Variants in TSEN2 observed in about 807,000 individuals in gnomAD.
The protein encoded by TSEN2 is tRNA splicing endonuclease subunit 2.
TSEN2 carries 54 observed loss-of-function variants against 59.2 expected under a neutral mutation model. The observed-to-expected ratio is 0.91, with a 90% CI of 0.73 to 1.14. The LOEUF (loss-of-function observed/expected upper bound fraction) is 1.14. Among genes scored for constraint, TSEN2 ranks in the 50% most tolerant of loss-of-function variants. The pLI is 0.00. For missense variants in TSEN2, 636 were observed against 576.2 expected, an observed-to-expected ratio of 1.10 and a Z score of -1.06; for synonymous variants, 195 against 198.2, an observed-to-expected ratio of 0.98 and a Z score of 0.14.
chr3:12,528,472 C>T (rs1049915764), intron 8 of TSEN2, among the ~76,000 whole-genome samples: 1 of 152,164 alleles, frequency 6.6e-6, no homozygotes, highest in Non-Finnish European at 1.5e-5. Context: ...TGTAAACCCC[C>T]ACTTTGGGAG....
intron 7 of TSEN2, among the ~76,000 whole-genome samples, chr3:12,517,508 C>T (rs1320837644): frequency 6.6e-6 from 1 of 152,120 alleles, no homozygotes; most frequent in Non-Finnish European, 1.5e-5. Context: ...CTGTTGTTGC[C>T]TGCTGCCTTT....
At chr3:12,534,643 A>G (rs2057627004), downstream of TSEN2, among the ~76,000 whole-genome samples, 3 of 152,040 alleles carry the variant, frequency 2.0e-5, no homozygotes, top group Admixed American at 2.0e-4. Context: ...TCTACTAAAA[A>G]ATACAAAAAA....
upstream of TSEN2, among the ~76,000 whole-genome samples, chr3:12,480,824 G>A (rs572510141): frequency 8.5e-5 from 13 of 152,126 alleles, no homozygotes; most frequent in South Asian, 1.5e-3. Flanking sequence ...ATAAGTCACC[G>A]CGCCCGGCCT....
At chr3:12,524,444 C>A (rs562039327) in intron 8 of TSEN2, among the ~76,000 whole-genome samples, 2 of 152,178 alleles carry the variant, frequency 1.3e-5, no homozygotes, top group Non-Finnish European at 2.9e-5. Context: ...CTTGTCTCTT[C>A]CAGATTCTTG....
chr3:12,533,719 C>T (rs2057598693), downstream of TSEN2: 1 of 144,338 alleles, frequency 6.9e-6, no homozygotes, highest in South Asian at 2.3e-4. Context: ...AGGGGGAATA[C>T]TTGCTCTTCG....
At chr3:12,530,766 T>C (rs2057405326) in intron 10 of TSEN2, 1 of 984,982 alleles carries the variant, frequency 1.0e-6, no homozygotes, top group Non-Finnish European at 1.2e-6. Context: ...ATACTTAATA[T>C]GTCCTCACTT....
At chr3:12,517,998 G>A (rs1190693494) in intron 7 of TSEN2, among the ~76,000 whole-genome samples, 1 of 151,980 alleles carries the variant, frequency 6.6e-6, no homozygotes, top group Non-Finnish European at 1.5e-5. Context: ...AACTGAGCCA[G>A]TCTCACTGAG....
chr3:12,487,517 C>T (rs890968098), intron 1 of TSEN2, among the ~76,000 whole-genome samples: 1 of 151,824 alleles, frequency 6.6e-6, no homozygotes, highest in Non-Finnish European at 1.5e-5. Context: ...TTTAAAATTC[C>T]GAATGTAATG....
At position 12,516,625 on chromosome 3, in the gene TSEN2, C is replaced by T. The variant is rs1352539470; in HGVS notation, c.924C>T (p.Val308=). ...TGTATTTTCAGGCCTTTTTCTTGGTCTATGCTCTGGGATGTTTAAGTATTT... is the reference window on the plus strand; with the variant it reads ...TGTATTTTCAGGCCTTTTTCTTGGTTTATGCTCTGGGATGTTTAAGTATTT... The part of the protein sequence containing the change: ...QLSLEEAFFL[V]YALGCLSIYY... Residue 308 remains valine, a synonymous_variant, in exon 7 of 12, where the codon GTC becomes GTT. Transcript: ENST00000284995. 6.2e-7 allele frequency: 1 copy of T among 1,613,868 alleles called. No individual in the cohort carries two copies. The highest frequency in any genetic ancestry group is 2.2e-5 in the East Asian group (1 of 44,846).
Position 12,505,216 on chromosome 3 carries a change from A to G in TSEN2, c.894A>G (p.Gln298=), listed in dbSNP as rs147558594. The G allele has an allele frequency of 4.3e-6, 7 of 1,610,224 alleles. No individual in the cohort carries two copies. The highest frequency in any genetic ancestry group is 4.0e-5 in the African/African-American group (3 of 74,802). ...CATATAGGATCTTTGAGTATTTGCAACTCAGCCTAGAAGAGGTATGTTTTC... is the reference window on the plus strand; with the variant it reads ...CATATAGGATCTTTGAGTATTTGCAGCTCAGCCTAGAAGAGGTATGTTTTC... ...RNPYRIFEYL[Q]LSLEEAFFLV... Residue 298 remains glutamine (Q), a synonymous_variant, in exon 6 of 12, where the codon CAA becomes CAG. Transcript: ENST00000284995.
Position 12,503,275 on chromosome 3 carries a change from G to T in TSEN2, c.322G>T (p.Val108Phe), listed in dbSNP as rs202097247. Residue 108 changes from valine (V) to phenylalanine (F), a missense_variant, in exon 5 of 12, where the codon GTT (valine) becomes TTT (phenylalanine). Val to Phe is a conservative substitution (Grantham distance 50, BLOSUM62 -1). Coordinates refer to ENST00000284995, the MANE Select transcript of TSEN2 (RefSeq NM_025265.4). ...TCTGTCTTGCAGGTATCAGCATAGT[G>T]TTGAGTGGGCAGCAGAGCTGATGCG... ...IITSKRYQHS[V>F]EWAAELMRRQ... 4.3e-4 allele frequency: 700 copies of T among 1,614,174 alleles called. 3 individuals are homozygous for T. The highest frequency in any genetic ancestry group is 5.7e-4 in the Non-Finnish European group (667 of 1,180,042).
chr3:12,491,517 C>T (rs573348856), intron 2 of TSEN2, among the ~76,000 whole-genome samples: 57 of 152,232 alleles, frequency 3.7e-4, no homozygotes, highest in African/African-American at 1.3e-3. Flanking sequence ...ACTGTGTTCC[C>T]GAACCATATG....
At chr3:12,517,072 G>T (rs1332008107) in intron 7 of TSEN2, among the ~76,000 whole-genome samples, 2 of 152,116 alleles carry the variant, frequency 1.3e-5, no homozygotes, top group African/African-American at 2.4e-5. Flanking sequence ...AAGGGGCCGG[G>T]CCCGGTGGCT....
In TSEN2 at chr3:12,519,083, T is replaced by A; in HGVS notation, c.985T>A (p.Trp329Arg). 1 of 1,614,226 alleles carries A rather than the reference T, an allele frequency of 6.2e-7. No homozygotes were observed. Among genetic ancestry groups the A allele is most frequent in the Non-Finnish European group, 8.5e-7 (1 of 1,180,036 alleles). ...GGAGCCTTTAACGATAGTGAAGCTC[T>A]GGAAAGCTTTCACTGTAGTTCAGCC... ...EKEPLTIVKL[W>R]KAFTVVQPTF... Residue 329 changes from tryptophan to arginine, a missense_variant, in exon 8 of 12, where the codon TGG becomes AGG. Trp to Arg is a moderately radical substitution (Grantham distance 101). Coordinates refer to ENST00000284995, the MANE Select transcript of TSEN2 (RefSeq NM_025265.4).
At chr3:12,530,754 A>C in intron 10 of TSEN2, 1 of 985,264 alleles carries the variant, frequency 1.0e-6, no homozygotes, top group Non-Finnish European at 1.2e-6. Flanking sequence ...GACTTGTAGC[A>C]TATACTTAAT....
At chr3:12,504,250 T>C (rs2054590426) in intron 5 of TSEN2, among the ~76,000 whole-genome samples, 1 of 152,048 alleles carries the variant, frequency 6.6e-6, no homozygotes, top group Non-Finnish European at 1.5e-5. Flanking sequence ...TTCAAAGAAA[T>C]ATCATGTAGA....
At chr3:12,480,724 G>GCT (rs1264894221), upstream of TSEN2, among the ~76,000 whole-genome samples, 6 of 151,752 alleles carry the variant, frequency 4.0e-5, no homozygotes, top group Admixed American at 1.3e-4. Flanking sequence ...AGTAGAGACG[G>GCT]GGTTTTGCCA....
chr3:12,496,360 C>T (rs1004601369), intron 3 of TSEN2, among the ~76,000 whole-genome samples, 158 bp from the exon 4 acceptor site: 17 of 152,204 alleles, frequency 1.1e-4, no homozygotes, highest in East Asian at 5.8e-4. Flanking sequence ...CAGGGAAGGA[C>T]GGCATAGAAA....
downstream of TSEN2, among the ~76,000 whole-genome samples, chr3:12,535,897 T>C (rs1022709091): frequency 6.6e-6 from 1 of 152,154 alleles, no homozygotes; most frequent in Non-Finnish European, 1.5e-5. Context: ...AGGGGCGACG[T>C]TGGAAACGTT....
Sources: gnomAD v4.1 joint callset for allele counts (sites outside exome capture counted in the v4.1 genomes callset) on GRCh38, gnomAD v4.1.1 for gene constraint, MANE v1.5 for transcripts, NCBI Gene and HGNC (gene_info 2026-07-23, HGNC 2026-07-21) for gene names.